PSMC3: variants seen among roughly 807,000 people sequenced by gnomAD.
The protein encoded by PSMC3 is proteasome 26S subunit, ATPase 3, also known as 26S proteasome regulatory subunit 6A.
A neutral mutation model predicts 52.0 loss-of-function variants in PSMC3; 11 were observed. The observed-to-expected ratio is 0.21, with a 90% CI of 0.13 to 0.35. PSMC3 has a LOEUF of 0.35. Among genes scored for constraint, PSMC3 ranks in the 10% least tolerant of loss-of-function variants. PSMC3 has a pLI of 1.00. For synonymous variants in PSMC3, 201 were observed against 218.8 expected, an observed-to-expected ratio of 0.92 and a Z score of 0.72; for missense variants, 238 against 567.1, an observed-to-expected ratio of 0.42 and a Z score of 5.89.
chr11:47,419,331 C>A, intron 10 of PSMC3, 134 bp from the exon 11 acceptor site: 1 of 847,308 alleles, frequency 1.2e-6, no homozygotes, highest in Non-Finnish European at 1.9e-6. Flanking sequence ...TTACTCAATG[C>A]GCCTTGTTTT....
At position 47,420,652 on chromosome 11, in the gene PSMC3, G is replaced by A. The variant is rs1360144654; in HGVS notation, c.960C>T (p.Phe320=). 1.3e-6 allele frequency: 2 copies of A among 1,552,954 alleles called. No individual in the cohort carries two copies. The highest frequency in any genetic ancestry group is 3.9e-5 in the Admixed American group (2 of 51,088). Residue 320 remains phenylalanine, a synonymous_variant, in exon 9 of 12, where the codon TTC becomes TTT. Coordinates refer to ENST00000298852, the MANE Select transcript of PSMC3 (RefSeq NM_002804.5). ...TCACCTTAACTTGGGTGTTGGGCTG[G>A]AAGCCATCCAGCTGGTTCAGAAGCT... The part of the protein sequence containing the change: ...MLELLNQLDG[F]QPNTQVKVIA...
Position 47,426,209 on chromosome 11 carries a change from G to A in PSMC3, c.71C>T (p.Ala24Val), listed in dbSNP as rs1049340387. The A allele has an allele frequency of 1.3e-6, 2 of 1,558,698 alleles. No individual in the cohort carries two copies. Among genetic ancestry groups the A allele is most frequent in the Non-Finnish European group, 1.7e-6 (2 of 1,152,138 alleles). Residue 24 changes from alanine to valine, a missense_variant, in exon 1 of 12, where the codon GCC (alanine) becomes GTC (valine). Ala to Val is a moderately conservative substitution (Grantham distance 64, BLOSUM62 0). Around this residue, in one of 6 missense-constraint regions of PSMC3, gnomAD observed 48 missense variants for 63.4 expected, o/e 0.76. Coordinates refer to ENST00000298852, the MANE Select transcript of PSMC3 (RefSeq NM_002804.5). ...GCCAGCTCGCCCGGTGCCCACCTCGGCCTCATCCCACACGGTCGCCATCTT... is the reference window on the plus strand; with the variant it reads ...GCCAGCTCGCCCGGTGCCCACCTCGACCTCATCCCACACGGTCGCCATCTT... ...QEKMATVWDE[A>V]EQDGIGEEVL...
Position 47,422,030 on chromosome 11 carries a change from CT to C in PSMC3, c.884+543del, listed in dbSNP as rs10710821. Reference sequence around the variant, plus strand: ...CGAGGTGGCCAGATTCCTGCTTTGGCTTTTTTTGTTTTGTTTTCTTTTTTTT... The same window carrying C: ...CGAGGTGGCCAGATTCCTGCTTTGGCTTTTTTGTTTTGTTTTCTTTTTTTT... On this transcript the variant is annotated intron_variant, in intron 8 of 11. Transcript: ENST00000298852. The surrounding 1 kb of genome is among the most constrained non-coding windows in gnomAD (Gnocchi z 4.3). Among the ~76,000 whole-genome samples the C allele has an allele frequency of 0.65, 96,693 of 149,350 alleles. 31,328 individuals carry two copies. Among genetic ancestry groups the C allele is most frequent in the East Asian group, 0.71 (3,564 of 5,036 alleles).
Position 47,421,798 on chromosome 11 carries a change from G to A in PSMC3, c.884+776C>T, listed in dbSNP as rs1000567223. Among the ~76,000 whole-genome samples the A allele has an allele frequency of 7.9e-5, 12 of 151,934 alleles. No individual in the cohort carries two copies. The South Asian group carries it at 1.2e-3, about 16-fold the overall frequency. Reference sequence around the variant, plus strand: ...CTCCCAAGTAGCTGGAATTACAGGCGCACACCACCACACCCGGCTAATTTT... The same window carrying A: ...CTCCCAAGTAGCTGGAATTACAGGCACACACCACCACACCCGGCTAATTTT... On this transcript the variant is annotated intron_variant, in intron 8 of 11. Coordinates refer to ENST00000298852, the MANE Select transcript of PSMC3 (RefSeq NM_002804.5).
Position 47,424,297 on chromosome 11 carries a change from A to T in PSMC3, c.454-114T>A, listed in dbSNP as rs2096043994. On this transcript the variant is annotated intron_variant, in intron 5 of 11. Coordinates refer to ENST00000298852, the MANE Select transcript of PSMC3 (RefSeq NM_002804.5). The surrounding 1 kb of genome is among the most constrained non-coding windows in gnomAD (Gnocchi z 4.8). ...ACAGGACTGGGCAATACAAGAATCA[A>T]ACAGCAAGTAGACAGAATCCCAGAC... The T allele has an allele frequency of 6.4e-7, 1 of 1,561,220 alleles. No individual in the cohort carries two copies. The highest frequency in any genetic ancestry group is 1.4e-5 in the African/African-American group (1 of 73,616).
intron 6 of PSMC3, among the ~76,000 whole-genome samples, chr11:47,423,345 G>A (rs545150553): frequency 7.9e-5 from 12 of 151,480 alleles, no homozygotes; most frequent in African/African-American, 2.7e-4. Flanking sequence ...AGCTCGTAGT[G>A]AGCCAAGATC....
chr11:47,424,358 GT>G lies in PSMC3; in HGVS notation c.453+70del. The G allele has an allele frequency of 1.3e-6, 2 of 1,576,374 alleles. No individual in the cohort carries two copies. Among genetic ancestry groups the G allele is most frequent in the Non-Finnish European group, 1.7e-6 (2 of 1,146,514 alleles). On this transcript the variant is annotated intron_variant, in intron 5 of 11. Coordinates refer to ENST00000298852, the MANE Select transcript of PSMC3 (RefSeq NM_002804.5). This position sits in a 1 kb window ranked among gnomAD's most constrained non-coding sequence, Gnocchi z 4.8. ...GTTCTGCCAAGATTCAGAGCCAACA[GT>G]GACCTGGGGCGGGTACAGGGGCTCA...
Position 47,422,219 on chromosome 11 carries a change from T to C in PSMC3, c.884+355A>G, listed in dbSNP as rs901014050. On this transcript the variant is annotated intron_variant, in intron 8 of 11. Coordinates refer to ENST00000298852, the MANE Select transcript of PSMC3 (RefSeq NM_002804.5). This position sits in a 1 kb window ranked among gnomAD's most constrained non-coding sequence, Gnocchi z 4.3. ...TACCACGCCCAGCTAATTTTTTGTA[T>C]TTTTAGTAGAGACAGGGTTTCACCA... is the stretch of plus-strand genomic sequence containing the variant. 1.5e-4 allele frequency among the ~76,000 whole-genome samples: 23 copies of C among 151,992 alleles called. No homozygotes were observed. Among genetic ancestry groups the C allele is most frequent in the African/African-American group, 5.3e-4 (22 of 41,340 alleles).
At chr11:47,425,980 T>A in intron 1 of PSMC3, 30 bp from the exon 2 acceptor site, 1 of 1,582,454 alleles carries the variant, frequency 6.3e-7, no homozygotes, top group Non-Finnish European at 8.7e-7. Flanking sequence ...TATTTATATA[T>A]TTACTTTTAC....
chr11:47,419,252 G>A lies in PSMC3; in HGVS notation c.1128-55C>T, dbSNP rs574948421. 160 of 1,582,528 alleles carry A rather than the reference G, an allele frequency of 1.0e-4. 1 individual carries two copies. In the South Asian group the frequency reaches 1.7e-3, roughly 16 times the overall value. On this transcript the variant is annotated intron_variant, in intron 10 of 11. Transcript: ENST00000298852. ...GTGGCTTATGCGGAATGGGCAGAGG[G>A]GCCAAATATCCTCCCCTGGCCCCGT...
intron 2 of PSMC3, chr11:47,425,534 C>G (rs2096045405): frequency 1.8e-6 from 1 of 557,402 alleles, no homozygotes; most frequent in South Asian, 2.4e-5. Flanking sequence ...GAACTGGGTG[C>G]TTTATCGCAG....
chr11:47,419,257 A>G, intron 10 of PSMC3, 60 bp from the exon 11 acceptor site: 1 of 1,564,596 alleles, frequency 6.4e-7, no homozygotes, highest in Non-Finnish European at 8.8e-7. Context: ...AGAGGGGCCA[A>G]ATATCCTCCC....
rs1298506497 is a variant in PSMC3 at position 47,425,133 on chromosome 11, G to C, written c.273C>G (p.Ser91=). ...KVNKTLPYLV[S]NVIELLDVDP... is the part of the protein sequence containing the mutation. Reference sequence around the variant, plus strand: ...CATACACACACACCTCGATGACGTTGGAGACAAGGTACGGCAGGGTCTTGT... The same window carrying C: ...CATACACACACACCTCGATGACGTTCGAGACAAGGTACGGCAGGGTCTTGT... The change falls in exon 3 of 12, where the codon TCC becomes TCG. Residue 91 remains serine, a synonymous_variant. Coordinates refer to ENST00000298852, the MANE Select transcript of PSMC3 (RefSeq NM_002804.5). The C allele has an allele frequency of 6.2e-7, 1 of 1,614,002 alleles. No individual in the cohort carries two copies. The highest frequency in any genetic ancestry group is 8.5e-7 in the Non-Finnish European group (1 of 1,180,028).
At chr11:47,421,249 CAAAAAAAAAAAAA>C (rs56344837) in intron 8 of PSMC3, among the ~76,000 whole-genome samples, 3 of 61,402 alleles carry the variant, frequency 4.9e-5, no homozygotes, top group Admixed American at 5.3e-4. Flanking sequence ...GACTCCATCT[CAAAAAAAAAAAAA>C]AAAAAAAAAA....
intron 8 of PSMC3, 76 bp from the exon 9 acceptor site, chr11:47,420,803 G>A (rs1278493780): frequency 2.2e-6 from 3 of 1,364,584 alleles, no homozygotes; most frequent in Non-Finnish European, 3.0e-6. Flanking sequence ...CCCCCTGGAA[G>A]CCTAACCTAA....
rs1172800469 is a variant in PSMC3, at chr11:47,420,252, G to A, written c.1127+12C>T. 1 of 1,613,758 alleles carries A rather than the reference G, an allele frequency of 6.2e-7. No homozygotes were observed. Among genetic ancestry groups the A allele is most frequent in the Non-Finnish European group, 8.5e-7 (1 of 1,179,890 alleles). On this transcript the variant is annotated intron_variant, in intron 10 of 11. Coordinates refer to ENST00000298852, the MANE Select transcript of PSMC3 (RefSeq NM_002804.5). ...GTTCAGGTCTCTGTGCCCTGCCCGTGCTCCTGCTCACCTGACATTCATCTT... is the reference window on the plus strand; with the variant it reads ...GTTCAGGTCTCTGTGCCCTGCCCGTACTCCTGCTCACCTGACATTCATCTT...
intron 10 of PSMC3, among the ~76,000 whole-genome samples, chr11:47,419,582 G>A (rs190549797): frequency 1.8e-4 from 27 of 152,268 alleles, no homozygotes; most frequent in Admixed American, 5.9e-4. Context: ...GGCTGAGGCC[G>A]GGCGTGGTGG....
chr11:47,425,343 C>G, intron 2 of PSMC3, 97 bp from the exon 3 acceptor site: 1 of 1,420,526 alleles, frequency 7.0e-7, no homozygotes, highest in South Asian at 1.2e-5. Context: ...AGGGGACCCT[C>G]CCGCATCCAT....
chr11:47,422,524 C>T lies in PSMC3; in HGVS notation c.884+50G>A, dbSNP rs1299219363. On this transcript the variant is annotated intron_variant, in intron 8 of 11. Transcript: ENST00000298852. The surrounding 1 kb of genome is among the most constrained non-coding windows in gnomAD (Gnocchi z 4.3). ...TTTAGCACAACTGAGAGTCAACCCGCTTCCCCTTACCGCCACAGAGATCGC... is the reference window on the plus strand; with the variant it reads ...TTTAGCACAACTGAGAGTCAACCCGTTTCCCCTTACCGCCACAGAGATCGC... 2.5e-6 allele frequency: 4 copies of T among 1,604,424 alleles called. No homozygotes were observed. Among genetic ancestry groups the T allele is most frequent in the Non-Finnish European group, 3.4e-6 (4 of 1,173,292 alleles).
Sources: allele counts gnomAD v4.1 joint callset (sites outside exome capture counted in the v4.1 genomes callset), GRCh38; gene constraint gnomAD v4.1.1; regional missense constraint gnomAD v4.1.1; non-coding constraint Gnocchi (gnomAD v3.1); transcripts MANE v1.5; gene names NCBI Gene and HGNC (gene_info 2026-07-23, HGNC 2026-07-21).